The following COL5A2 variants were observed in gnomAD, a reference collection of about 807,000 sequenced individuals.
COL5A2 encodes collagen alpha-2(V) chain.
Under a neutral mutation model 208.2 loss-of-function variants are expected in COL5A2, and 23 were observed. The ratio of observed to expected loss-of-function variants is 0.11; its 90% confidence interval spans 0.08 to 0.16. COL5A2 has a LOEUF of 0.16. Ranked by LOEUF, COL5A2 falls within the 10% of genes least tolerant of loss-of-function variation. The pLI, the probability that COL5A2 is intolerant of heterozygous loss-of-function variation, is 1.00. For synonymous variants in COL5A2, 625 were observed against 628.5 expected (o/e 0.99, Z 0.08); for missense variants, 1,590 against 1,956.4 (o/e 0.81, Z 3.53).
In COL5A2 at chr2:189,036,709, G is replaced by T. The variant is rs771310130; in HGVS notation, c.4020C>A (p.Asn1340Lys). Residue 1340 changes from asparagine to lysine, a missense_variant, in exon 52 of 54, where the codon AAC (asparagine) becomes AAA (lysine). Transcript: ENST00000374866. ...METGETCISA[N>K]PSSVPRKTWW... ...AGGTTTTACGTGGTACACTGGATGG[G>T]TTTGCTGAAATACATGTTTCTCCTG... 1.2e-6 allele frequency: 2 copies of T among 1,613,648 alleles called. No homozygotes were observed. The highest frequency in any genetic ancestry group is 8.5e-7 in the Non-Finnish European group (1 of 1,179,650).
intron 35 of COL5A2, among the ~76,000 whole-genome samples, chr2:189,056,589 T>C (rs1685906391): frequency 6.6e-6 from 1 of 152,088 alleles, no homozygotes; most frequent in South Asian, 2.1e-4. Flanking sequence ...GAAACATTTA[T>C]CACAACTTTG....
At chr2:189,314,168 C>T in the COL5A2 span, among the ~76,000 whole-genome samples, 3 of 152,108 alleles carry the variant, frequency 2.0e-5, no homozygotes, top group African/African-American at 7.2e-5. Flanking sequence ...ATGGCACTTA[C>T]TGTAAAATCA....
chr2:189,275,227 TATG>T, the COL5A2 span, among the ~76,000 whole-genome samples: 11 of 152,270 alleles, frequency 7.2e-5, no homozygotes, highest in Admixed American at 6.5e-4. Context: ...AATTATATTG[TATG>T]ATATTTAATT....
intron 15 of COL5A2, 101 bp from the exon 16 acceptor site, chr2:189,078,670 C>T: frequency 3.1e-6 from 3 of 973,466 alleles, no homozygotes; most frequent in Admixed American, 3.4e-5. Flanking sequence ...AGATAATTGG[C>T]CACCAAGCAG....
chr2:189,064,828 CT>C (rs755435464), intron 24 of COL5A2, among the ~76,000 whole-genome samples, 173 bp from the exon 25 acceptor site: 12 of 152,154 alleles, frequency 7.9e-5, no homozygotes, highest in African/African-American at 1.2e-4. Flanking sequence ...TCCTTCCCCC[CT>C]ATGCCTCTTA....
the COL5A2 span, among the ~76,000 whole-genome samples, chr2:189,346,948 G>C: frequency 6.6e-6 from 1 of 152,148 alleles, no homozygotes; most frequent in Non-Finnish European, 1.5e-5. Flanking sequence ...ACCAACTAAC[G>C]CTTAGGAGAA....
rs7424947 is a variant in COL5A2, at chr2:189,062,780, C to G, written c.1977+85G>C. 0.93 allele frequency: 1,373,829 copies of G among 1,480,424 alleles called. 640,452 individuals carry two copies. Among genetic ancestry groups the G allele is most frequent in the Non-Finnish European group, 0.96 (1,013,857 of 1,059,676 alleles). The allele number at this position is 1,480,424 out of a possible 1,614,324, so 91.7% of individuals were successfully genotyped here. On this transcript the variant is annotated intron_variant, in intron 29 of 53. Coordinates refer to ENST00000374866, the MANE Select transcript of COL5A2 (RefSeq NM_000393.5). ...CTTATTCACTTTCCCTGAAACTTAC[C>G]CATAAGTCTTGAACAAACATCATCG...
chr2:189,187,692 C>A (rs572978551), intron 1 of COL5A2, among the ~76,000 whole-genome samples: 8 of 152,176 alleles, frequency 5.3e-5, no homozygotes, highest in African/African-American at 1.9e-4. Flanking sequence ...TACTATTGGC[C>A]GGGCGCGGTG....
At chr2:189,279,529 T>TGA in the COL5A2 span, among the ~76,000 whole-genome samples, 2 of 114,552 alleles carry the variant, frequency 1.7e-5, no homozygotes, top group Non-Finnish European at 1.9e-5. Flanking sequence ...AGCATTTTTG[T>TGA]AAAAAAAAAA....
At chr2:189,413,572 A>G in the COL5A2 span, among the ~76,000 whole-genome samples, 2 of 152,170 alleles carry the variant, frequency 1.3e-5, no homozygotes, top group Non-Finnish European at 2.9e-5. Context: ...GGAAAACAAA[A>G]GAAATTTACG....
At chr2:189,161,438 T>C (rs1382460299) in intron 1 of COL5A2, among the ~76,000 whole-genome samples, 1 of 152,196 alleles carries the variant, frequency 6.6e-6, no homozygotes, top group African/African-American at 2.4e-5. Flanking sequence ...TTTAACTTTG[T>C]TTCCATTTAA....
chr2:189,233,049 G>A, the COL5A2 span, among the ~76,000 whole-genome samples: 1 of 151,634 alleles, frequency 6.6e-6, no homozygotes, highest in East Asian at 1.9e-4. Flanking sequence ...ATAAGCAGCT[G>A]GATTTCTAGT....
the COL5A2 span, among the ~76,000 whole-genome samples, chr2:189,437,798 T>C: frequency 6.6e-6 from 1 of 152,158 alleles, no homozygotes. Flanking sequence ...AAGTAATTCA[T>C]GACATTAATA....
chr2:189,063,068 A>C lies in COL5A2; in HGVS notation c.1870-5T>G. 6.2e-7 allele frequency: 1 copy of C among 1,614,218 alleles called. No homozygotes were observed. Among genetic ancestry groups the C allele is most frequent in the Non-Finnish European group, 8.5e-7 (1 of 1,180,008 alleles). Reference sequence around the variant, plus strand: ...TCCAGGTTTCCCAGGGTCACCCTAAAGAATAAATGAAACTTTTGTATAATT... The same window carrying C: ...TCCAGGTTTCCCAGGGTCACCCTAACGAATAAATGAAACTTTTGTATAATT... On this transcript the variant is annotated splice_polypyrimidine_tract_variant and splice_region_variant and intron_variant, in intron 27 of 53. Coordinates refer to ENST00000374866, the MANE Select transcript of COL5A2 (RefSeq NM_000393.5).
chr2:189,402,083 T>C, the COL5A2 span, among the ~76,000 whole-genome samples: 1 of 152,216 alleles, frequency 6.6e-6, no homozygotes, highest in Admixed American at 6.5e-5. Context: ...AGATCCCACA[T>C]GTCAATTTTT....
chr2:189,139,280 A>T (rs1168820805), intron 1 of COL5A2, among the ~76,000 whole-genome samples: 1 of 152,206 alleles, frequency 6.6e-6, no homozygotes, highest in East Asian at 1.9e-4. Context: ...CCTCTCAAAA[A>T]TAAATAAATT....
At chr2:189,246,389 C>T in the COL5A2 span, among the ~76,000 whole-genome samples, 1 of 152,042 alleles carries the variant, frequency 6.6e-6, no homozygotes, top group African/African-American at 2.4e-5. Context: ...GGACATTATA[C>T]TTCTGGAGAA....
chr2:189,353,136 C>G, the COL5A2 span, among the ~76,000 whole-genome samples: 15 of 152,202 alleles, frequency 9.9e-5, no homozygotes, highest in Admixed American at 9.8e-4. Context: ...CTGTTCTGTT[C>G]CATTGGTGTA....
the COL5A2 span, among the ~76,000 whole-genome samples, chr2:189,350,620 C>A: frequency 6.6e-6 from 1 of 152,116 alleles, no homozygotes. Flanking sequence ...GGCTTTGTGA[C>A]TAATTATGTT....
Sources: gnomAD v4.1 joint callset for allele counts (sites outside exome capture counted in the v4.1 genomes callset) on GRCh38, gnomAD v4.1.1 for gene constraint, MANE v1.5 for transcripts, NCBI Gene and HGNC (gene_info 2026-07-23, HGNC 2026-07-21) for gene names.